Variants in LRMDA observed in about 807,000 individuals in gnomAD.
LRMDA encodes leucine rich melanocyte differentiation associated.
A neutral mutation model predicts 29.8 loss-of-function variants in LRMDA; 18 were observed. The ratio of observed to expected loss-of-function variants is 0.60; its 90% confidence interval spans 0.42 to 0.90. The LOEUF is 0.90. LRMDA is among the 40% of genes least tolerant of loss of function. LRMDA has a pLI of 0.00. For synonymous variants in LRMDA, 125 were observed against 109.4 expected (o/e 1.14, Z -0.89); for missense variants, 273 against 273.9 (o/e 1.00, Z 0.02).
intron 5 of LRMDA, among the ~76,000 whole-genome samples, chr10:76,305,754 G>A (rs992129716): frequency 1.3e-5 from 2 of 152,100 alleles, no homozygotes; most frequent in Non-Finnish European, 2.9e-5. Context: ...ATCTCTCAAG[G>A]AAATAGCTTC....
intron 5 of LRMDA, among the ~76,000 whole-genome samples, chr10:76,067,169 G>A (rs1045964613): frequency 8.5e-5 from 13 of 152,166 alleles, no homozygotes; most frequent in South Asian, 2.1e-4. Flanking sequence ...ACAACATCTC[G>A]AAAATGTTCT....
intron 6 of LRMDA, among the ~76,000 whole-genome samples, chr10:76,434,678 G>A (rs962851221): frequency 1.3e-5 from 2 of 152,144 alleles, no homozygotes; most frequent in Non-Finnish European, 2.9e-5. Flanking sequence ...CCAGGCTCTG[G>A]CAAGATGCTC....
intron 5 of LRMDA, among the ~76,000 whole-genome samples, chr10:76,180,280 T>A (rs1474815032): frequency 7.9e-6 from 1 of 126,880 alleles, no homozygotes; most frequent in African/African-American, 3.5e-5. Context: ...GAAAAAACTT[T>A]TTTTTTTTTT....
At chr10:76,076,175 CTA>C (rs1428334596) in intron 5 of LRMDA, among the ~76,000 whole-genome samples, 1 of 151,738 alleles carries the variant, frequency 6.6e-6, no homozygotes, top group African/African-American at 2.4e-5. Context: ...AAACCCGTCT[CTA>C]CTAAAAATAC....
intron 6 of LRMDA, among the ~76,000 whole-genome samples, chr10:76,349,405 A>T (rs929938183): frequency 6.6e-6 from 1 of 152,232 alleles, no homozygotes; most frequent in East Asian, 1.9e-4. Flanking sequence ...CTCCTGCTAT[A>T]TGTATAGGTA....
At chr10:76,181,606 G>A (rs1851051852) in intron 5 of LRMDA, among the ~76,000 whole-genome samples, 1 of 152,160 alleles carries the variant, frequency 6.6e-6, no homozygotes, top group Non-Finnish European at 1.5e-5. Flanking sequence ...ATGCCCATAA[G>A]TACCGGGATT....
chr10:75,469,177 C>T (rs1844695711), intron 2 of LRMDA, among the ~76,000 whole-genome samples: 1 of 151,766 alleles, frequency 6.6e-6, no homozygotes. Context: ...TCCAAGAAAT[C>T]TGCTGACATT....
chr10:76,541,593 A>T (rs76327590), intron 6 of LRMDA, among the ~76,000 whole-genome samples: 24 of 65,098 alleles, frequency 3.7e-4, no homozygotes, highest in Middle Eastern at 0.014. Flanking sequence ...TTTTGTTTCC[A>T]GGGGTAAGAA....
intron 5 of LRMDA, among the ~76,000 whole-genome samples, chr10:76,266,076 G>A (rs1840003233): frequency 6.6e-6 from 1 of 152,062 alleles, no homozygotes; most frequent in Non-Finnish European, 1.5e-5. Context: ...CCCTCTTTAA[G>A]CCTTGATTAA....
chr10:76,071,045 G>T (rs761264685), intron 5 of LRMDA, among the ~76,000 whole-genome samples: 1 of 152,188 alleles, frequency 6.6e-6, no homozygotes, highest in Non-Finnish European at 1.5e-5. Flanking sequence ...GATGCCTGGT[G>T]CAGAAGTGAG....
intron 2 of LRMDA, among the ~76,000 whole-genome samples, chr10:75,608,609 T>C (rs1456651170): frequency 1.3e-5 from 2 of 152,162 alleles, no homozygotes; most frequent in Non-Finnish European, 2.9e-5. Context: ...CTTAAATATA[T>C]ATAAATTGTA....
At chr10:75,780,607 G>A (rs190001438) in intron 2 of LRMDA, among the ~76,000 whole-genome samples, 28 of 152,244 alleles carry the variant, frequency 1.8e-4, no homozygotes, top group African/African-American at 6.5e-4. Context: ...CAAGAGGAGG[G>A]TCAAGCAAAA....
At chr10:75,738,824 TC>T (rs1272694616) in intron 2 of LRMDA, among the ~76,000 whole-genome samples, 1 of 152,206 alleles carries the variant, frequency 6.6e-6, no homozygotes, top group African/African-American at 2.4e-5. Flanking sequence ...TTGTGGTTTT[TC>T]CCTTCCTGAG....
intron 2 of LRMDA, among the ~76,000 whole-genome samples, chr10:75,562,161 A>G (rs1305689261): frequency 6.6e-6 from 1 of 151,880 alleles, no homozygotes; most frequent in Non-Finnish European, 1.5e-5. Flanking sequence ...ATTGTGTGGG[A>G]GTCTAAGTCT....
intron 6 of LRMDA, among the ~76,000 whole-genome samples, chr10:76,490,403 GTCTC>G (rs375255459): frequency 3.5e-4 from 52 of 149,250 alleles, no homozygotes; most frequent in African/African-American, 1.2e-3. Flanking sequence ...TTGTATTAGG[GTCTC>G]TCTCTCTCTC....
intron 6 of LRMDA, among the ~76,000 whole-genome samples, chr10:76,330,986 T>C (rs1840897604): frequency 6.6e-6 from 1 of 152,156 alleles, no homozygotes; most frequent in South Asian, 2.1e-4. Context: ...TTTATAAACA[T>C]GAGGCCAGGT....
chr10:76,216,393 T>C (rs1480242994), intron 5 of LRMDA, among the ~76,000 whole-genome samples: 3 of 152,082 alleles, frequency 2.0e-5, no homozygotes, highest in African/African-American at 7.2e-5. Context: ...AAAGGCACAT[T>C]GTAAAGTAGA....
At chr10:76,166,393 T>G (rs1850741019) in intron 5 of LRMDA, among the ~76,000 whole-genome samples, 2 of 152,194 alleles carry the variant, frequency 1.3e-5, no homozygotes, top group African/African-American at 2.4e-5. Flanking sequence ...GGATGTTTGT[T>G]GTACAGATTA....
At chr10:76,180,319 A>G (rs1384265555) in intron 5 of LRMDA, among the ~76,000 whole-genome samples, 1 of 127,978 alleles carries the variant, frequency 7.8e-6, no homozygotes, top group Non-Finnish European at 1.6e-5. Flanking sequence ...AGAGTCTCAC[A>G]CTGTCACCCC....
Sources: allele counts gnomAD v4.1 joint callset (sites outside exome capture counted in the v4.1 genomes callset), GRCh38; gene constraint gnomAD v4.1.1; transcripts MANE v1.5; gene names NCBI Gene and HGNC (gene_info 2026-07-23, HGNC 2026-07-21).